MRPL1: variants seen among roughly 807,000 people sequenced by gnomAD.
The protein encoded by MRPL1 is mitochondrial ribosomal protein L1.
MRPL1 carries 28 observed loss-of-function variants against 38.0 expected under a neutral mutation model. The observed-to-expected ratio is 0.74, with a 90% CI of 0.55 to 1.01. The LOEUF (loss-of-function observed/expected upper bound fraction) is 1.01, where lower values mean the gene tolerates loss of function less well. Ranked by LOEUF, MRPL1 falls within the 50% of genes least tolerant of loss-of-function variation. The pLI is 0.00. For missense variants in MRPL1, 358 were observed against 389.8 expected (o/e 0.92, Z 0.69); for synonymous variants, 123 against 126.7 (o/e 0.97, Z 0.20).
chr4:77,892,546 C>G (rs191171376), intron 5 of MRPL1, among the ~76,000 whole-genome samples: 7 of 152,282 alleles, frequency 4.6e-5, no homozygotes, highest in Non-Finnish European at 8.8e-5. Flanking sequence ...TTTTACTTGT[C>G]TCTAAGAGCT....
chr4:77,923,411 A>C (rs1346233528), intron 7 of MRPL1, among the ~76,000 whole-genome samples: 5 of 151,828 alleles, frequency 3.3e-5, no homozygotes, highest in African/African-American at 9.7e-5. Context: ...TTGTCCTTTT[A>C]ATTGTGGATA....
chr4:77,913,262 A>T (rs1469561848), intron 7 of MRPL1, among the ~76,000 whole-genome samples: 4 of 152,162 alleles, frequency 2.6e-5, no homozygotes, highest in Non-Finnish European at 5.9e-5. Context: ...AATATTTGAA[A>T]ATCATGTATC....
chr4:77,862,862 T>TAGG lies in MRPL1; in HGVS notation c.15_16insGGA (p.Val5_Arg6insGly). 1.2e-6 allele frequency: 2 copies of TAGG among 1,614,016 alleles called. No individual in the cohort carries two copies. Among genetic ancestry groups the TAGG allele is most frequent in the Non-Finnish European group, 1.7e-6 (2 of 1,179,992 alleles). ...GGAGTGCCCAACATGGCGGCGGCCG[T>TAGG]AAGGTGCATGGGTAGAGGTAAGGCG... On this transcript the variant is annotated inframe_insertion, in exon 1 of 9. Transcript: ENST00000315567.
chr4:77,906,604 AG>A (rs1736165617), intron 6 of MRPL1, among the ~76,000 whole-genome samples: 1 of 152,176 alleles, frequency 6.6e-6, no homozygotes, highest in Non-Finnish European at 1.5e-5. Context: ...GGCCTTTGTT[AG>A]GGGCATAGAC....
Position 77,897,798 on chromosome 4 carries a change from TA to T in MRPL1, c.670+3550del, listed in dbSNP as rs201867875. Among the ~76,000 whole-genome samples the T allele has an allele frequency of 3.0e-3, 460 of 152,360 alleles. 3 individuals carry two copies. Among genetic ancestry groups the T allele is most frequent in the African/African-American group, 0.01 (429 of 41,582 alleles). On this transcript the variant is annotated intron_variant, in intron 6 of 8. Coordinates refer to ENST00000315567, the MANE Select transcript of MRPL1 (RefSeq NM_020236.4). ...GGAACAATCAGAAGTTTTGGTTATA[TA>T]AGGGAAAATAACCAAAACGGAGAAT...
intron 1 of MRPL1, among the ~76,000 whole-genome samples, chr4:77,866,692 T>G (rs912215309): frequency 6.6e-5 from 10 of 152,194 alleles, no homozygotes; most frequent in African/African-American, 1.9e-4. Context: ...AGTTTCTTGG[T>G]GTTTGCGTGG....
rs529823601 is a variant in MRPL1 at position 77,890,670 on chromosome 4, A to G, written c.558+3379A>G. 4.6e-4 allele frequency among the ~76,000 whole-genome samples: 70 copies of G among 152,300 alleles called. 1 individual carries two copies. The South Asian group carries it at 0.013, about 28-fold the overall frequency. ...AAGAGAAAGAAATAAAGGATATTCA[A>G]TTAGGAAAAGAGGAAGTCAAATTGT... On this transcript the variant is annotated intron_variant, in intron 5 of 8. Coordinates refer to ENST00000315567, the MANE Select transcript of MRPL1 (RefSeq NM_020236.4).
At chr4:77,867,718 C>A (rs1735178169) in intron 1 of MRPL1, among the ~76,000 whole-genome samples, 1 of 149,390 alleles carries the variant, frequency 6.7e-6, no homozygotes, top group Admixed American at 6.7e-5. Flanking sequence ...ATGCGTGAAC[C>A]ACTACACCCA....
intron 6 of MRPL1, among the ~76,000 whole-genome samples, chr4:77,901,490 T>G (rs1316969170): frequency 2.6e-5 from 4 of 151,012 alleles, no homozygotes; most frequent in Non-Finnish European, 5.9e-5. Flanking sequence ...AACCCAACTA[T>G]ATGCTGTCTA....
intron 6 of MRPL1, among the ~76,000 whole-genome samples, chr4:77,899,299 G>C (rs1735984770): frequency 6.6e-6 from 1 of 151,668 alleles, no homozygotes; most frequent in African/African-American, 2.4e-5. Context: ...GTGCAACCAT[G>C]CCTGGCCATT....
intron 7 of MRPL1, among the ~76,000 whole-genome samples, chr4:77,917,902 A>G (rs897840599): frequency 6.6e-6 from 1 of 152,062 alleles, no homozygotes; most frequent in Non-Finnish European, 1.5e-5. Context: ...CTAAAAATAC[A>G]AAAATTAGCC....
intron 7 of MRPL1, among the ~76,000 whole-genome samples, chr4:77,918,641 T>C (rs141847258): frequency 6.2e-4 from 94 of 152,280 alleles, no homozygotes; most frequent in Non-Finnish European, 8.7e-4. Flanking sequence ...CATGTGATCA[T>C]ATACCTGGCT....
At chr4:77,885,097 T>G (rs578221807) in intron 3 of MRPL1, among the ~76,000 whole-genome samples, 159 bp from the exon 4 acceptor site, 1 of 151,664 alleles carries the variant, frequency 6.6e-6, no homozygotes, top group East Asian at 1.9e-4. Flanking sequence ...TGAATAGTAA[T>G]TCATGAATAG....
chr4:77,867,937 T>C (rs1425990417), intron 1 of MRPL1, among the ~76,000 whole-genome samples: 1 of 151,876 alleles, frequency 6.6e-6, no homozygotes, highest in Non-Finnish European at 1.5e-5. Flanking sequence ...TTTGTATTTT[T>C]AGTAGAGACG....
At chr4:77,916,965 G>A (rs1245001428) in intron 7 of MRPL1, among the ~76,000 whole-genome samples, 1 of 152,148 alleles carries the variant, frequency 6.6e-6, no homozygotes, top group African/African-American at 2.4e-5. Flanking sequence ...ACCCTCACTA[G>A]CATTGGGTAT....
chr4:77,907,626 A>G (rs1736187945), intron 6 of MRPL1, among the ~76,000 whole-genome samples: 1 of 149,838 alleles, frequency 6.7e-6, no homozygotes, highest in African/African-American at 2.5e-5. Flanking sequence ...GTGCAGTGGC[A>G]TGATCTCAGC....
chr4:77,935,270 T>A (rs1364743827), intron 7 of MRPL1, among the ~76,000 whole-genome samples: 1 of 152,122 alleles, frequency 6.6e-6, no homozygotes, highest in East Asian at 1.9e-4. Flanking sequence ...TTACTATCTT[T>A]CGATTTTAAA....
rs1284996612 is a variant in MRPL1, at chr4:77,952,477, T to C, written c.860-12T>C. On this transcript the variant is annotated splice_polypyrimidine_tract_variant and intron_variant, in intron 8 of 8. Coordinates refer to ENST00000315567, the MANE Select transcript of MRPL1 (RefSeq NM_020236.4). ...TATAAAAATCAAAGTTGATTCTCGT[T>C]TTTGTTTCCAGGTCCCTTTGTGGTA... 7 of 1,586,712 alleles carry C rather than the reference T, an allele frequency of 4.4e-6. No homozygotes were observed. The highest frequency in any genetic ancestry group is 6.1e-6 in the Non-Finnish European group (7 of 1,156,296).
At chr4:77,934,725 A>G (rs1466569235) in intron 7 of MRPL1, among the ~76,000 whole-genome samples, 2 of 152,238 alleles carry the variant, frequency 1.3e-5, no homozygotes, top group Non-Finnish European at 2.9e-5. Context: ...TGAACAGATG[A>G]TGGCATACCC....
Sources: gnomAD v4.1 joint callset for allele counts (sites outside exome capture counted in the v4.1 genomes callset) on GRCh38, gnomAD v4.1.1 for gene constraint, MANE v1.5 for transcripts, NCBI Gene and HGNC (gene_info 2026-07-23, HGNC 2026-07-21) for gene names.